The following HNRNPL variants were observed in gnomAD, a reference collection of about 807,000 sequenced individuals.
HNRNPL encodes the protein epididymis secretory sperm binding protein.
A neutral mutation model predicts 64.0 loss-of-function variants in HNRNPL; 12 were observed. The observed-to-expected ratio is 0.19, with a 90% CI of 0.12 to 0.30. The LOEUF (loss-of-function observed/expected upper bound fraction) is 0.30, where lower values mean the gene tolerates loss of function less well. HNRNPL is among the 10% of genes least tolerant of loss of function. The probability of loss-of-function intolerance (pLI) is 1.00; values close to 1 mark genes in which losing one functional copy is unlikely to be tolerated. For synonymous variants in HNRNPL, 385 were observed against 313.0 expected (o/e 1.23, Z -2.43); for missense variants, 484 against 797.4 (o/e 0.61, Z 4.73).
chr19:38,850,911 G>A (rs1042933442), upstream of HNRNPL, among the ~76,000 whole-genome samples: 14 of 152,294 alleles, frequency 9.2e-5, no homozygotes, highest in African/African-American at 2.9e-4. Context: ...CTCCATGTGT[G>A]CCCATGCAGT....
At chr19:38,848,598 G>GC (rs1972384868) in intron 1 of HNRNPL, among the ~76,000 whole-genome samples, 1 of 152,182 alleles carries the variant, frequency 6.6e-6, no homozygotes. Context: ...GGGTAGAATT[G>GC]GATTCTATTT....
At chr19:38,845,000 G>T in intron 4 of HNRNPL, 1 of 152,424 alleles carries the variant, frequency 6.6e-6, no homozygotes, top group East Asian at 1.9e-4. Flanking sequence ...GAGCCACTGT[G>T]CCCGGCCCCA....
chr19:38,840,641 GC>G (rs1972086260), intron 6 of HNRNPL, 82 bp from the exon 7 acceptor site: 7 of 1,153,442 alleles, frequency 6.1e-6, no homozygotes, highest in South Asian at 1.3e-5. Flanking sequence ...GCTGATCTGA[GC>G]CCCCAGCTCC....
At chr19:38,843,987 T>G in intron 5 of HNRNPL, 21 bp downstream of exon 5, 1 of 1,606,654 alleles carries the variant, frequency 6.2e-7, no homozygotes, top group Non-Finnish European at 8.5e-7. Flanking sequence ...CAAGGGGCAG[T>G]CAGTCACCTC....
At chr19:38,847,901 T>C (rs1383324419) in intron 1 of HNRNPL, among the ~76,000 whole-genome samples, 1 of 152,092 alleles carries the variant, frequency 6.6e-6, no homozygotes, top group African/African-American at 2.4e-5. Context: ...TGAGCCACCA[T>C]CATCTAGCTA....
chr19:38,843,522 G>C (rs1972183522), intron 6 of HNRNPL: 1 of 368,372 alleles, frequency 2.7e-6, no homozygotes, highest in South Asian at 3.4e-5. Flanking sequence ...ACCCTCACCA[G>C]ACTCTCAAAG....
intron 1 of HNRNPL, 138 bp downstream of exon 1, chr19:38,849,562 C>G: frequency 8.6e-7 from 1 of 1,169,356 alleles, no homozygotes; most frequent in Non-Finnish European, 1.1e-6. Context: ...GCCCAACGGC[C>G]GCCCCTCCCC....
chr19:38,848,911 G>A (rs1488246201), intron 1 of HNRNPL, among the ~76,000 whole-genome samples: 1 of 152,170 alleles, frequency 6.6e-6, no homozygotes, highest in South Asian at 2.1e-4. Context: ...GCAAATAGGC[G>A]GCCCTGTAAG....
intron 6 of HNRNPL, chr19:38,841,302 A>C (rs966259994): frequency 2.4e-5 from 8 of 328,148 alleles, no homozygotes; most frequent in African/African-American, 1.7e-4. Flanking sequence ...GAAATTCCTC[A>C]CAACAACCCT....
intron 1 of HNRNPL, among the ~76,000 whole-genome samples, chr19:38,849,148 G>C (rs987210666): frequency 6.6e-6 from 1 of 152,242 alleles, no homozygotes; most frequent in Non-Finnish European, 1.5e-5. Flanking sequence ...CATTTCACAA[G>C]TCCTCTTCCC....
chr19:38,840,907 G>A (rs1972095277), intron 6 of HNRNPL: 1 of 297,624 alleles, frequency 3.4e-6, no homozygotes, highest in African/African-American at 2.2e-5. Context: ...TATTATGGCG[G>A]GCCAAAAGCA....
At chr19:38,844,206 T>G (rs974141132) in intron 4 of HNRNPL, 102 bp from the exon 5 acceptor site, 13 of 751,650 alleles carry the variant, frequency 1.7e-5, no homozygotes, top group Non-Finnish European at 2.8e-5. Flanking sequence ...AAGACTGTGG[T>G]ACAGACGGAA....
upstream of HNRNPL, chr19:38,850,165 TAG>T: frequency 2.3e-6 from 1 of 427,516 alleles, no homozygotes; most frequent in Non-Finnish European, 4.1e-6. Context: ...ACACTCCTTA[TAG>T]GTGGTCGCTT....
upstream of HNRNPL, chr19:38,850,429 G>A: frequency 6.3e-6 from 1 of 159,720 alleles, no homozygotes; most frequent in East Asian, 1.9e-4. Flanking sequence ...TCTCTCCAGT[G>A]GTGGTTACAG....
chr19:38,849,949 C>G lies in HNRNPL; in HGVS notation c.18G>C (p.Leu6=). The change falls in exon 1 of 13, where the codon CTG becomes CTC. Residue 6 remains leucine, a synonymous_variant. Coordinates refer to ENST00000221419, the MANE Select transcript of HNRNPL (RefSeq NM_001533.3). MSRRL[L]PRAEKRRRRL... ...GCCGACGCCGCTTCTCCGCCCGGGGCAGCAGCCTCCGCGACATGGCGGCGC... is the reference window on the plus strand; with the variant it reads ...GCCGACGCCGCTTCTCCGCCCGGGGGAGCAGCCTCCGCGACATGGCGGCGC... 1 of 1,354,218 alleles carries G rather than the reference C, an allele frequency of 7.4e-7. No individual in the cohort carries two copies. Among genetic ancestry groups the G allele is most frequent in the Non-Finnish European group, 9.6e-7 (1 of 1,042,818 alleles). 83.9% of individuals were successfully genotyped at this position (1,354,218 alleles called of 1,614,324 possible). A position where few individuals can be genotyped will look rare whatever the true frequency, so the allele number is the denominator to read the frequency against.
chr19:38,841,497 C>T, intron 6 of HNRNPL: 1 of 479,668 alleles, frequency 2.1e-6, no homozygotes, highest in Non-Finnish European at 3.9e-6. Flanking sequence ...CCCTTTCCTG[C>T]CACCCGGCCT....
intron 6 of HNRNPL, 80 bp from the exon 7 acceptor site, chr19:38,840,639 G>A: frequency 8.5e-7 from 1 of 1,170,178 alleles, no homozygotes; most frequent in African/African-American, 1.5e-5. Context: ...AGGCTGATCT[G>A]AGCCCCCAGC....
chr19:38,840,058 G>T (rs867378025), intron 8 of HNRNPL, 38 bp downstream of exon 8: 6 of 1,605,480 alleles, frequency 3.7e-6, no homozygotes, highest in Middle Eastern at 1.6e-4. Context: ...AAGATACGAG[G>T]CTCAGCGAGG....
At chr19:38,851,472 A>G (rs932480975), upstream of HNRNPL, among the ~76,000 whole-genome samples, 4 of 152,228 alleles carry the variant, frequency 2.6e-5, no homozygotes, top group Non-Finnish European at 5.9e-5. Context: ...AAGTGACGAT[A>G]TCGCCAAAGG....
Sources: allele counts gnomAD v4.1 joint callset (sites outside exome capture counted in the v4.1 genomes callset), GRCh38; gene constraint gnomAD v4.1.1; transcripts MANE v1.5; gene names NCBI Gene and HGNC (gene_info 2026-07-23, HGNC 2026-07-21).